COL15A1: variants seen among roughly 807,000 people sequenced by gnomAD.
COL15A1 encodes collagen alpha-1(XV) chain.
COL15A1 carries 111 observed loss-of-function variants against 165.9 expected under a neutral mutation model. The ratio of observed to expected loss-of-function variants is 0.67; its 90% confidence interval spans 0.57 to 0.78. The LOEUF (loss-of-function observed/expected upper bound fraction) is 0.78, where lower values mean the gene tolerates loss of function less well. COL15A1 is among the 30% of genes least tolerant of loss of function. COL15A1 has a pLI of 0.00. For synonymous variants in COL15A1, 659 were observed against 674.8 expected (o/e 0.98, Z 0.36); for missense variants, 1,745 against 1,789.7 (o/e 0.98, Z 0.45).
intron 11 of COL15A1, among the ~76,000 whole-genome samples, chr9:99,019,557 A>G (rs531185493): frequency 6.6e-6 from 1 of 151,666 alleles, no homozygotes; most frequent in South Asian, 2.1e-4. Flanking sequence ...CAGTATTGGC[A>G]GATATGTGAC....
intron 2 of COL15A1, among the ~76,000 whole-genome samples, chr9:98,954,673 C>T (rs1413296): frequency 6.6e-6 from 1 of 152,198 alleles, no homozygotes; most frequent in Non-Finnish European, 1.5e-5. Flanking sequence ...ACACAATTTC[C>T]TAAAACAAAT....
chr9:98,987,452 T>C, intron 4 of COL15A1, 84 bp downstream of exon 4: 1 of 1,307,368 alleles, frequency 7.6e-7, no homozygotes, highest in South Asian at 1.4e-5. Context: ...GACAGTGGCG[T>C]GGAGTTTCTG....
At position 99,022,094 on chromosome 9, in the gene COL15A1, G is replaced by A. The variant is rs756831159; in HGVS notation, c.1705G>A (p.Asp569Asn). 6.2e-7 allele frequency: 1 copy of A among 1,614,158 alleles called. No homozygotes were observed. Among genetic ancestry groups the A allele is most frequent in the Non-Finnish European group, 8.5e-7 (1 of 1,179,992 alleles). ...CTGACCATTTTGTTCTCTTTAGGGT[G>A]ATGCTGGGGAGGAGCTTCCTGGCCC... ...GQAGPKGEKGDAGEELPGPPE... is the reference protein window; with the variant it reads ...GQAGPKGEKGNAGEELPGPPE... The change falls in exon 13 of 42, where the codon GAT becomes AAT. Residue 569 changes from aspartate (D) to asparagine (N), a missense_variant. Physicochemically the swap from Asp to Asn is conservative, Grantham distance 23 (BLOSUM62 1). Coordinates refer to ENST00000375001, the MANE Select transcript of COL15A1 (RefSeq NM_001855.5).
rs374696101 is a variant in COL15A1, at chr9:99,023,468, A to G, written c.1854+19A>G. 5 of 1,113,684 alleles carry G rather than the reference A, an allele frequency of 4.5e-6. No individual in the cohort carries two copies. The highest frequency in any genetic ancestry group is 1.5e-5 in the African/African-American group (1 of 64,878). The allele number at this position is 1,113,684 out of a possible 1,614,324, so 69.0% of individuals were successfully genotyped here. ...GCTGAGAGTGAGTGTGAAGGAGGACACGACCTGGTGTCTGGGACTGCCTTC... is the reference window on the plus strand; with the variant it reads ...GCTGAGAGTGAGTGTGAAGGAGGACGCGACCTGGTGTCTGGGACTGCCTTC... On this transcript the variant is annotated intron_variant, in intron 14 of 41. Coordinates refer to ENST00000375001, the MANE Select transcript of COL15A1 (RefSeq NM_001855.5).
chr9:99,048,012 TG>T lies in COL15A1; in HGVS notation c.2793+16del. 2 of 1,490,316 alleles carry T rather than the reference TG, an allele frequency of 1.3e-6. No homozygotes were observed. The highest frequency in any genetic ancestry group is 1.8e-6 in the Non-Finnish European group (2 of 1,084,816). The allele number at this position is 1,490,316 out of a possible 1,614,324, so 92.3% of individuals were successfully genotyped here. A position where few individuals can be genotyped will look rare whatever the true frequency, so the allele number is the denominator to read the frequency against. ...GGGTCATTATGCAGGTGAGTCACCC[TG>T]GGGATGGAGCCGGAGGTTGGTGTCC... On this transcript the variant is annotated intron_variant, in intron 28 of 41. Coordinates refer to ENST00000375001, the MANE Select transcript of COL15A1 (RefSeq NM_001855.5).
intron 5 of COL15A1, among the ~76,000 whole-genome samples, chr9:98,992,898 T>C (rs1460229746): frequency 6.6e-6 from 1 of 152,166 alleles, no homozygotes; most frequent in Non-Finnish European, 1.5e-5. Context: ...AGGGGGGCTA[T>C]GAAATCAATC....
intron 9 of COL15A1, among the ~76,000 whole-genome samples, chr9:99,013,130 T>A (rs947312702): frequency 6.6e-6 from 1 of 152,198 alleles, no homozygotes; most frequent in Admixed American, 6.5e-5. Context: ...ATTTCCACCC[T>A]CTTACGTGTC....
chr9:99,053,194 T>C (rs1012818400), intron 31 of COL15A1, among the ~76,000 whole-genome samples: 2 of 152,226 alleles, frequency 1.3e-5, no homozygotes, highest in African/African-American at 4.8e-5. Flanking sequence ...GTCACGCCAC[T>C]TGGGGTTTAA....
chr9:99,028,043 G>C (rs1426524052), intron 16 of COL15A1, among the ~76,000 whole-genome samples: 1 of 152,158 alleles, frequency 6.6e-6, no homozygotes, highest in Non-Finnish European at 1.5e-5. Context: ...TACCTCCAGT[G>C]ACAAGGAACT....
Position 99,004,899 on chromosome 9 carries a change from G to A in COL15A1, c.1202G>A (p.Gly401Asp), listed in dbSNP as rs1265590819. 6.2e-7 allele frequency: 1 copy of A among 1,613,902 alleles called. No individual in the cohort carries two copies. Among genetic ancestry groups the A allele is most frequent in the Non-Finnish European group, 8.5e-7 (1 of 1,179,926 alleles). Residue 401 changes from glycine (G) to aspartate (D), a missense_variant and splice_region_variant, in exon 9 of 42, where the codon GGT becomes GAT. Physicochemically the swap from Gly to Asp is moderately conservative, Grantham distance 94 (BLOSUM62 -1). Coordinates refer to ENST00000375001, the MANE Select transcript of COL15A1 (RefSeq NM_001855.5). ...TENPEEGVTP[G>D]PDNEERLAAT... ...GGTTCCTGTTGACTTTCTATTCAGGGTCCAGATAATGAAGAGCGTTTAGCA... is the reference window on the plus strand; with the variant it reads ...GGTTCCTGTTGACTTTCTATTCAGGATCCAGATAATGAAGAGCGTTTAGCA...
chr9:98,950,278 C>T (rs1837658371), intron 2 of COL15A1, among the ~76,000 whole-genome samples: 1 of 152,160 alleles, frequency 6.6e-6, no homozygotes, highest in Non-Finnish European at 1.5e-5. Context: ...TCCACAGTGG[C>T]TGCACCATGT....
At chr9:99,004,654 G>A (rs1163103413) in intron 8 of COL15A1, among the ~76,000 whole-genome samples, 3 of 152,182 alleles carry the variant, frequency 2.0e-5, no homozygotes, top group Admixed American at 1.3e-4. Flanking sequence ...CATGCCCCTC[G>A]GGGTTGGCAG....
At chr9:98,957,622 G>T (rs919368335) in intron 2 of COL15A1, among the ~76,000 whole-genome samples, 4 of 152,128 alleles carry the variant, frequency 2.6e-5, no homozygotes, top group Non-Finnish European at 5.9e-5. Context: ...AGTAGCTAGA[G>T]TATGGGAAGG....
At chr9:99,048,940 A>T (rs985702910) in intron 28 of COL15A1, among the ~76,000 whole-genome samples, 3 of 152,000 alleles carry the variant, frequency 2.0e-5, no homozygotes, top group Non-Finnish European at 4.4e-5. Flanking sequence ...TGTTTGTGCC[A>T]CACTGCTTTT....
At chr9:99,010,330 A>T (rs1287974767) in intron 9 of COL15A1, among the ~76,000 whole-genome samples, 2 of 152,222 alleles carry the variant, frequency 1.3e-5, no homozygotes, top group Non-Finnish European at 2.9e-5. Context: ...TCCCTGGTGG[A>T]CTGAACAAAT....
intron 23 of COL15A1, 94 bp downstream of exon 23, chr9:99,040,650 G>A (rs907940177): frequency 1.2e-6 from 2 of 1,603,130 alleles, no homozygotes; most frequent in Admixed American, 3.3e-5. Context: ...ATCTATGCAT[G>A]ACTGAGCTCC....
chr9:99,035,867 G>A (rs1240656693), intron 19 of COL15A1, among the ~76,000 whole-genome samples: 1 of 152,136 alleles, frequency 6.6e-6, no homozygotes, highest in Non-Finnish European at 1.5e-5. Flanking sequence ...CGGCTCTCAG[G>A]AGGACCGATC....
chr9:98,984,932 CA>C (rs1225415717), intron 2 of COL15A1, among the ~76,000 whole-genome samples: 1 of 152,160 alleles, frequency 6.6e-6, no homozygotes, highest in African/African-American at 2.4e-5. Context: ...GCTGAGATTG[CA>C]GGCATGTGCC....
At chr9:98,973,435 C>G (rs1476308489) in intron 2 of COL15A1, among the ~76,000 whole-genome samples, 1 of 152,198 alleles carries the variant, frequency 6.6e-6, no homozygotes, top group Admixed American at 6.5e-5. Context: ...GGTCTACTTT[C>G]TAAGTTGATC....
Sources: allele counts gnomAD v4.1 joint callset (sites outside exome capture counted in the v4.1 genomes callset), GRCh38; gene constraint gnomAD v4.1.1; transcripts MANE v1.5; gene names NCBI Gene and HGNC (gene_info 2026-07-23, HGNC 2026-07-21).